The following ST18 variants were observed in gnomAD, a reference collection of about 807,000 sequenced individuals.
ST18 encodes ST18 C2H2C-type zinc finger transcription factor, also known as suppression of tumorigenicity 18 protein.
Under a neutral mutation model 110.0 loss-of-function variants are expected in ST18, and 50 were observed. The ratio of observed to expected loss-of-function variants is 0.45; its 90% CI spans 0.36 to 0.58. The LOEUF (loss-of-function observed/expected upper bound fraction) is 0.58. Ranked by LOEUF, ST18 falls within the 20% of genes least tolerant of loss-of-function variation. ST18 has a pLI of 0.00. For synonymous variants in ST18, 461 were observed against 452.4 expected (o/e 1.02, Z -0.24); for missense variants, 1,306 against 1,280.1 (o/e 1.02, Z -0.31).
At chr8:52,383,293 C>T (rs775768798) in intron 2 of ST18, among the ~76,000 whole-genome samples, 1 of 152,136 alleles carries the variant, frequency 6.6e-6, no homozygotes, top group Non-Finnish European at 1.5e-5. Context: ...GTTTTCCTTG[C>T]TCTTTCTCCA....
chr8:52,261,320 AT>A (rs2094687235), intron 2 of ST18, among the ~76,000 whole-genome samples: 1 of 152,114 alleles, frequency 6.6e-6, no homozygotes, highest in Admixed American at 6.6e-5. Context: ...AAATGATGTG[AT>A]TTGGGGGACT....
In ST18 at chr8:52,166,866, C is replaced by T. The variant is rs530029309; in HGVS notation, c.1190G>A (p.Arg397Gln). 37 of 1,589,366 alleles carry T rather than the reference C, an allele frequency of 2.3e-5. No homozygotes were observed. The highest frequency in any genetic ancestry group is 4.0e-5 in the African/African-American group (3 of 74,584). ...GTGGTACTCACTTTCCAGGGGAACC[C>T]GCACTTTGTGGGGGCACCCCGAAAG... is the stretch of plus-strand genomic sequence containing the variant. Reference protein sequence around the residue: ...RSLSGCPHKVRVPLEILAMHE... With the variant: ...RSLSGCPHKVQVPLEILAMHE... The change falls in exon 11 of 26, where the codon CGG (arginine) becomes CAG (glutamine). Residue 397 changes from arginine (R) to glutamine (Q), a missense_variant. Transcript: ENST00000689386.
chr8:52,135,538 C>T (rs1400932102), intron 19 of ST18, among the ~76,000 whole-genome samples: 2 of 125,544 alleles, frequency 1.6e-5, no homozygotes, highest in African/African-American at 6.3e-5. Flanking sequence ...CCAGCCTGGG[C>T]ACCTGGGCAA....
chr8:52,169,444 T>C (rs146016040), intron 10 of ST18, among the ~76,000 whole-genome samples: 1 of 152,298 alleles, frequency 6.6e-6, no homozygotes, highest in Non-Finnish European at 1.5e-5. Flanking sequence ...TAAATCTCAC[T>C]AAATGCTTAG....
intron 2 of ST18, among the ~76,000 whole-genome samples, chr8:52,231,931 G>A (rs1264853029): frequency 6.6e-6 from 1 of 152,182 alleles, no homozygotes; most frequent in Non-Finnish European, 1.5e-5. Context: ...GAGGTCTTGT[G>A]AAAGCCCAGG....
intron 2 of ST18, among the ~76,000 whole-genome samples, chr8:52,276,126 T>TCAA (rs1564392733): frequency 0.019 from 87 of 4,660 alleles, 1 homozygote; most frequent in Admixed American, 0.024. Context: ...ACCTATCACA[T>TCAA]ACCACACACA....
intron 2 of ST18, among the ~76,000 whole-genome samples, chr8:52,373,314 C>G (rs1454404303): frequency 6.6e-6 from 1 of 152,164 alleles, no homozygotes; most frequent in East Asian, 1.9e-4. Flanking sequence ...CATACCACCT[C>G]CAACTTATGG....
chr8:52,383,353 T>C (rs1284497847), intron 2 of ST18, among the ~76,000 whole-genome samples: 1 of 152,246 alleles, frequency 6.6e-6, no homozygotes, highest in African/African-American at 2.4e-5. Flanking sequence ...TGAGTTCTGA[T>C]AAATATATAA....
At chr8:52,298,496 A>T (rs561370219) in intron 2 of ST18, among the ~76,000 whole-genome samples, 15 of 152,370 alleles carry the variant, frequency 9.8e-5, no homozygotes, top group Admixed American at 5.9e-4. Context: ...AAAGTTATAT[A>T]TCAAAATATT....
chr8:52,152,201 C>T (rs1195208948), intron 15 of ST18, among the ~76,000 whole-genome samples: 2 of 152,174 alleles, frequency 1.3e-5, no homozygotes, highest in Non-Finnish European at 2.9e-5. Flanking sequence ...GCACAGATGC[C>T]TTCAACAATT....
chr8:52,118,332 T>C lies in ST18; in HGVS notation c.2859+6A>G, dbSNP rs375066027. 2.8e-5 allele frequency: 44 copies of C among 1,579,220 alleles called. No homozygotes were observed. The highest frequency in any genetic ancestry group is 3.5e-5 in the Non-Finnish European group (41 of 1,158,490). On this transcript the variant is annotated splice_donor_region_variant and intron_variant, in intron 24 of 25. Coordinates refer to ENST00000689386, the MANE Select transcript of ST18 (RefSeq NM_001352837.2). ...TTAAGGATCATGAATTACTTCTTTT[T>C]TTTACCTGGGTCTGAAGTTTCATCA...
At chr8:52,148,989 T>C (rs978517134) in intron 16 of ST18, among the ~76,000 whole-genome samples, 3 of 152,206 alleles carry the variant, frequency 2.0e-5, no homozygotes, top group Admixed American at 2.0e-4. Flanking sequence ...CTTACTGTAA[T>C]AATTAAGGCC....
chr8:52,310,018 C>T (rs962090578), intron 2 of ST18, among the ~76,000 whole-genome samples: 3 of 152,164 alleles, frequency 2.0e-5, no homozygotes, highest in African/African-American at 7.2e-5. Flanking sequence ...CATTCTGCAT[C>T]CTGAATTCAG....
In ST18 at chr8:52,409,312, C is replaced by T. The variant is rs890468353; in HGVS notation, c.-465+16G>A. ...AATAAAATAACTTAAATGCATTTTA[C>T]AATATTTTTTCTTACCTTTACCTGG... On this transcript the variant is annotated intron_variant, in intron 2 of 25. Transcript: ENST00000689386. 6.6e-6 allele frequency: 1 copy of T among 152,210 alleles called. No individual in the cohort carries two copies. The highest frequency in any genetic ancestry group is 1.5e-5 in the Non-Finnish European group (1 of 68,044). 9.4% of individuals were successfully genotyped at this position (152,210 alleles called of 1,614,324 possible).
At chr8:52,126,934 C>T (rs1004289119) in intron 22 of ST18, among the ~76,000 whole-genome samples, 27 of 152,296 alleles carry the variant, frequency 1.8e-4, no homozygotes, top group South Asian at 6.2e-4. Flanking sequence ...TGTTTTTCAA[C>T]GTTTATGATC....
At chr8:52,383,280 A>G (rs2140876045) in intron 2 of ST18, among the ~76,000 whole-genome samples, 1 of 152,286 alleles carries the variant, frequency 6.6e-6, no homozygotes, top group Admixed American at 6.5e-5. Context: ...ATCATTCTAA[A>G]CTGTTTTCCT....
chr8:52,333,790 C>A (rs986207150), intron 2 of ST18, among the ~76,000 whole-genome samples: 1 of 152,214 alleles, frequency 6.6e-6, no homozygotes, highest in Non-Finnish European at 1.5e-5. Flanking sequence ...GGCTCTCTTG[C>A]TACTGAAACT....
chr8:52,130,113 A>AG, intron 22 of ST18, among the ~76,000 whole-genome samples: 1 of 111,794 alleles, frequency 8.9e-6, no homozygotes, highest in Admixed American at 1.0e-4. Context: ...AAAGAAAGAA[A>AG]GAAAGAAAAG....
At chr8:52,251,709 C>T (rs1182126243) in intron 2 of ST18, among the ~76,000 whole-genome samples, 1 of 151,950 alleles carries the variant, frequency 6.6e-6, no homozygotes, top group Non-Finnish European at 1.5e-5. Flanking sequence ...TACTTGGATC[C>T]TTTTTTCCAA....
Sources: allele counts gnomAD v4.1 joint callset (sites outside exome capture counted in the v4.1 genomes callset), GRCh38; gene constraint gnomAD v4.1.1; transcripts MANE v1.5; gene names NCBI Gene and HGNC (gene_info 2026-07-23, HGNC 2026-07-21).